MZT2A: variants seen among roughly 807,000 people sequenced by gnomAD.
MZT2A encodes mitotic spindle organizing protein 2A.
MZT2A carries 8 observed loss-of-function variants against 12.4 expected under a neutral mutation model. The ratio of observed to expected loss-of-function variants is 0.64; its 90% CI spans 0.38 to 1.16. The LOEUF (loss-of-function observed/expected upper bound fraction) is 1.16, where lower values mean the gene tolerates loss of function less well. Among genes scored for constraint, MZT2A ranks in the 50% most tolerant of loss-of-function variants. MZT2A has a pLI of 0.01. For missense variants in MZT2A, 181 were observed against 223.6 expected (o/e 0.81, Z 1.22); for synonymous variants, 88 against 107.5 (o/e 0.82, Z 1.12).
At chr2:131,481,935 C>T (rs916037538), downstream of MZT2A, among the ~76,000 whole-genome samples, 1 of 152,220 alleles carries the variant, frequency 6.6e-6, no homozygotes, top group Non-Finnish European at 1.5e-5. Context: ...GCGGCCAGGA[C>T]CTCAGGTCAT....
intron 2 of MZT2A, among the ~76,000 whole-genome samples, chr2:131,488,327 G>A (rs1445447583): frequency 3.3e-5 from 5 of 152,132 alleles, no homozygotes; most frequent in South Asian, 2.1e-4. Context: ...GTGCTTCTGG[G>A]GTTTTCTATT....
chr2:131,476,128 T>C, intron 2 of MZT2A: 2 of 1,611,784 alleles, frequency 1.2e-6, no homozygotes, highest in Non-Finnish European at 1.7e-6. Flanking sequence ...GAGGTTGCAG[T>C]TGGGCGCTCA....
At chr2:131,470,359 C>G in intron 3 of MZT2A, 1 of 1,238,768 alleles carries the variant, frequency 8.1e-7, no homozygotes, top group South Asian at 1.3e-5. Context: ...AAAAAAATTA[C>G]AGATGTTTTA....
At chr2:131,490,863 T>A in intron 2 of MZT2A, 1 of 1,549,956 alleles carries the variant, frequency 6.5e-7, no homozygotes, top group Non-Finnish European at 8.7e-7. Context: ...GCAGGGGGGC[T>A]ACTGTTCCTG....
downstream of MZT2A, chr2:131,482,857 T>C (rs1229403951): frequency 6.2e-7 from 1 of 1,609,996 alleles, no homozygotes; most frequent in East Asian, 2.2e-5. Flanking sequence ...GAGGGGAGGG[T>C]GTGGTGGGTT....
chr2:131,480,660 G>C (rs781528095), downstream of MZT2A: 2 of 1,613,766 alleles, frequency 1.2e-6, no homozygotes, highest in African/African-American at 1.3e-5. Flanking sequence ...CAGGGGGGAC[G>C]TGGTCCCCAA....
chr2:131,470,104 A>G, intron 4 of MZT2A: 1 of 424,160 alleles, frequency 2.4e-6, no homozygotes, highest in Non-Finnish European at 4.4e-6. Context: ...GCATCTGGCT[A>G]AACAGCATCC....
chr2:131,488,346 CCT>C (rs1464416650), intron 2 of MZT2A, among the ~76,000 whole-genome samples: 2 of 152,200 alleles, frequency 1.3e-5, no homozygotes, highest in Admixed American at 6.5e-5. Flanking sequence ...TTTCCCCTTC[CCT>C]GTGGGTATGA....
chr2:131,476,191 G>A (rs1471168069), intron 2 of MZT2A: 8 of 1,613,882 alleles, frequency 5.0e-6, no homozygotes, highest in Non-Finnish European at 5.9e-6. Context: ...TGAAGCAGCG[G>A]AGTTCGCCAT....
chr2:131,486,216 C>T (rs1411857913), intron 2 of MZT2A, among the ~76,000 whole-genome samples: 3 of 152,032 alleles, frequency 2.0e-5, no homozygotes, highest in Middle Eastern at 6.8e-3. Context: ...CAATAGCCAC[C>T]ACGCATCTCT....
chr2:131,481,353 C>T (rs191836020), downstream of MZT2A, among the ~76,000 whole-genome samples: 1 of 152,076 alleles, frequency 6.6e-6, no homozygotes, highest in East Asian at 1.9e-4. Context: ...ACTGCAACCT[C>T]TGCCTCCCAG....
intron 2 of MZT2A, chr2:131,490,412 C>T: frequency 1.6e-6 from 2 of 1,229,706 alleles, no homozygotes; most frequent in Non-Finnish European, 2.1e-6. Flanking sequence ...GCACACTGCA[C>T]CCGGCTGGCT....
upstream of MZT2A, chr2:131,493,277 TG>T: frequency 7.5e-7 from 1 of 1,332,452 alleles, no homozygotes; most frequent in Non-Finnish European, 9.6e-7. Flanking sequence ...CCGGGCAGGC[TG>T]GGGAGTGGAG....
chr2:131,482,613 G>A (rs1223743613), downstream of MZT2A: 12 of 1,613,958 alleles, frequency 7.4e-6, no homozygotes, highest in Non-Finnish European at 9.3e-6. Context: ...AAGGTGCAGC[G>A]GGCCGTGTGC....
intron 2 of MZT2A, 74 bp downstream of exon 2, chr2:131,491,802 C>G (rs1260244245): frequency 4.5e-5 from 63 of 1,392,704 alleles, no homozygotes; most frequent in Non-Finnish European, 5.8e-5. Context: ...GCCACGCCGC[C>G]GCTGTGCCGC....
downstream of MZT2A, chr2:131,480,428 T>C (rs1296992866): frequency 1.4e-5 from 23 of 1,588,736 alleles, 2 homozygotes; most frequent in Non-Finnish European, 1.9e-5. Context: ...TGCGATTTGA[T>C]GGGGCCCTGA....
chr2:131,493,340 C>T (rs1386825581), upstream of MZT2A, among the ~76,000 whole-genome samples: 3 of 152,232 alleles, frequency 2.0e-5, no homozygotes, highest in Non-Finnish European at 4.4e-5. Context: ...TTTGTGCCAC[C>T]TTCCCGCGCC....
At chr2:131,476,151 G>T in intron 2 of MZT2A, 1 of 1,613,376 alleles carries the variant, frequency 6.2e-7, no homozygotes, top group Non-Finnish European at 8.5e-7. Flanking sequence ...AGCTGTGGCA[G>T]CCGGTTGAGG....
At chr2:131,490,016 A>G (rs1456664387) in intron 2 of MZT2A, 2 of 970,870 alleles carry the variant, frequency 2.1e-6, no homozygotes, top group Non-Finnish European at 2.4e-6. Context: ...TGCTCATCTC[A>G]GCCTGCAGTC....
Sources: gnomAD v4.1 joint callset for allele counts (sites outside exome capture counted in the v4.1 genomes callset) on GRCh38, gnomAD v4.1.1 for gene constraint, MANE v1.5 for transcripts, NCBI Gene and HGNC (gene_info 2026-07-23, HGNC 2026-07-21) for gene names.